Variants in BCAS3 observed in about 807,000 individuals in gnomAD.
BCAS3 encodes the protein BCAS3 microtubule associated cell migration factor, also known as BCAS4/BCAS3 fusion.
In BCAS3, 53 loss-of-function variants were observed where a neutral mutation model predicts 116.1. That is an observed-to-expected ratio of 0.46 (90% CI 0.37 to 0.57). The LOEUF (loss-of-function observed/expected upper bound fraction) is 0.57, where lower values mean the gene tolerates loss of function less well. BCAS3 is among the 20% of genes least tolerant of loss of function. BCAS3 has a pLI of 0.00. For missense variants in BCAS3, 917 were observed against 1,165.4 expected (o/e 0.79, Z 3.10); for synonymous variants, 391 against 408.2 (o/e 0.96, Z 0.51).
In BCAS3 at chr17:60,902,657, G is replaced by A. The variant is rs759526393; in HGVS notation, c.776G>A (p.Gly259Glu). 1.9e-6 allele frequency: 3 copies of A among 1,613,178 alleles called. No homozygotes were observed. In the African/African-American group the frequency reaches 4.0e-5, roughly 22 times the overall value. The change falls in exon 11 of 24, where the codon GGA becomes GAA. Residue 259 changes from glycine (G) to glutamate (E), a missense_variant. By Grantham distance (98) the Gly-to-Glu change is moderately conservative. Coordinates refer to ENST00000407086, the MANE Select transcript of BCAS3 (RefSeq NM_017679.5). The stretch of plus-strand genomic sequence containing the variant: ...CATCAGTCCCGTGGTGGAGCCTGTG[G>A]AGACAACATTCAGTCTTATACTGCC... ...RCHQSRGGAC[G>E]DNIQSYTATV...
At chr17:60,837,652 CTTTT>C (rs371521233) in intron 7 of BCAS3, among the ~76,000 whole-genome samples, 2 of 136,938 alleles carry the variant, frequency 1.5e-5, no homozygotes, top group Non-Finnish European at 1.6e-5. Flanking sequence ...TTTCACAATA[CTTTT>C]TTTTTTTTTT....
intron 6 of BCAS3, among the ~76,000 whole-genome samples, chr17:60,766,079 C>A (rs1224905038): frequency 6.6e-6 from 1 of 152,120 alleles, no homozygotes; most frequent in Non-Finnish European, 1.5e-5. Context: ...TCTAGTTAGC[C>A]ATTTGTCTAA....
intron 6 of BCAS3, among the ~76,000 whole-genome samples, chr17:60,783,043 C>T (rs1333094847): frequency 2.0e-5 from 3 of 152,148 alleles, no homozygotes; most frequent in Non-Finnish European, 2.9e-5. Context: ...CAGGATTTTT[C>T]GGGCAGTGAA....
chr17:61,197,614 G>T (rs534004928), intron 22 of BCAS3, among the ~76,000 whole-genome samples: 1 of 152,316 alleles, frequency 6.6e-6, no homozygotes, highest in South Asian at 2.1e-4. Context: ...GAGTAGTAAA[G>T]ATCAGAAAGT....
chr17:61,308,989 C>T (rs886107118), intron 22 of BCAS3, among the ~76,000 whole-genome samples: 1 of 152,156 alleles, frequency 6.6e-6, no homozygotes, highest in African/African-American at 2.4e-5. Context: ...TCTCCTCTCT[C>T]CAGCCATGTG....
chr17:61,312,875 AC>A (rs2054430658), intron 22 of BCAS3, among the ~76,000 whole-genome samples: 1 of 152,200 alleles, frequency 6.6e-6, no homozygotes, highest in Non-Finnish European at 1.5e-5. Flanking sequence ...CCTTTCTCCC[AC>A]AAGATGGCCT....
chr17:60,700,946 C>A (rs900356049), intron 4 of BCAS3, among the ~76,000 whole-genome samples: 1 of 151,936 alleles, frequency 6.6e-6, no homozygotes, highest in African/African-American at 2.4e-5. Flanking sequence ...AATTTAGCTT[C>A]TAGAAGGAGA....
chr17:61,078,053 G>T (rs2072195525), intron 20 of BCAS3, among the ~76,000 whole-genome samples: 1 of 152,144 alleles, frequency 6.6e-6, no homozygotes, highest in African/African-American at 2.4e-5. Flanking sequence ...TGTGATTTTT[G>T]TCTTGTATAT....
chr17:60,952,602 G>A (rs2060905394), intron 14 of BCAS3, among the ~76,000 whole-genome samples: 1 of 152,146 alleles, frequency 6.6e-6, no homozygotes, highest in Admixed American at 6.5e-5. Context: ...TTACAGGTGT[G>A]AGCCACCGTG....
intron 9 of BCAS3, among the ~76,000 whole-genome samples, chr17:60,888,119 T>C (rs2056860860): frequency 6.6e-6 from 1 of 152,218 alleles, no homozygotes; most frequent in Non-Finnish European, 1.5e-5. Context: ...TATGTTCTGC[T>C]GATTCCAGCT....
In BCAS3 at chr17:60,960,566, C is replaced by G. The variant is rs933889637; in HGVS notation, c.1221+13214C>G. Among the ~76,000 whole-genome samples the G allele has an allele frequency of 1.3e-5, 2 of 152,186 alleles. No individual in the cohort carries two copies. The highest frequency in any genetic ancestry group is 1.3e-4 in the Admixed American group (2 of 15,284). Reference sequence around the variant, plus strand: ...GTTTCCCATCTGGCTTGAGGCACTGCCCTCCTGGACTGCGGCTTCATTTTC... The same window carrying G: ...GTTTCCCATCTGGCTTGAGGCACTGGCCTCCTGGACTGCGGCTTCATTTTC... On this transcript the variant is annotated intron_variant, in intron 14 of 23. Coordinates refer to ENST00000407086, the MANE Select transcript of BCAS3 (RefSeq NM_017679.5). This position sits in a 1 kb window ranked among gnomAD's most constrained non-coding sequence, Gnocchi z 4.1.
At chr17:60,992,865 GGGGCTTT>G (rs745423320) in intron 15 of BCAS3, among the ~76,000 whole-genome samples, 39 of 152,004 alleles carry the variant, frequency 2.6e-4, no homozygotes, top group Non-Finnish European at 8.8e-5. Flanking sequence ...AGGTTCTTTG[GGGGCTTT>G]TCTTTTTGTG....
Position 61,366,449 on chromosome 17 carries a change from A to G in BCAS3, c.2426-1878A>G, listed in dbSNP as rs1603086574. ...CAGAATCAGAAGCTTAGTGGATGTC[A>G]GCAGTCCTGTGTGTCCCTGGGGAGC... On this transcript the variant is annotated intron_variant, in intron 22 of 23. Transcript: ENST00000407086. This position sits in a 1 kb window ranked among gnomAD's most constrained non-coding sequence, Gnocchi z 4.5. Among the ~76,000 whole-genome samples the G allele has an allele frequency of 1.3e-5, 2 of 152,352 alleles. No individual in the cohort carries two copies. Among genetic ancestry groups the G allele is most frequent in the South Asian group, 4.1e-4 (2 of 4,832 alleles).
At position 61,367,087 on chromosome 17, in the gene BCAS3, T is replaced by C. The variant is rs899489876; in HGVS notation, c.2426-1240T>C. Among the ~76,000 whole-genome samples, 15 of 152,260 alleles carry C rather than the reference T, an allele frequency of 9.9e-5. No homozygotes were observed. The highest frequency in any genetic ancestry group is 2.1e-4 in the Non-Finnish European group (14 of 68,052). ...ATTGGCAGGGAGTGTGTGCTGACAC[T>C]GCCCAGCCCTCACTGCCTGGCGAAG... On this transcript the variant is annotated intron_variant, in intron 22 of 23. Transcript: ENST00000407086. This position sits in a 1 kb window ranked among gnomAD's most constrained non-coding sequence, Gnocchi z 6.2.
chr17:60,684,439 T>C (rs989362375), intron 3 of BCAS3, among the ~76,000 whole-genome samples: 1 of 152,170 alleles, frequency 6.6e-6, no homozygotes, highest in Non-Finnish European at 1.5e-5. Context: ...CTCTTTTATA[T>C]TGAGCAGCAT....
intron 22 of BCAS3, among the ~76,000 whole-genome samples, chr17:61,350,981 G>A (rs935765909): frequency 1.3e-5 from 2 of 152,174 alleles, no homozygotes; most frequent in Admixed American, 1.3e-4. Context: ...ACAACTTGGA[G>A]TTATTTTAGA....
chr17:61,211,137 C>T lies in BCAS3; in HGVS notation c.2425+126573C>T. On this transcript the variant is annotated intron_variant, in intron 22 of 23. Coordinates refer to ENST00000407086, the MANE Select transcript of BCAS3 (RefSeq NM_017679.5). The surrounding 1 kb of genome is among the most constrained non-coding windows in gnomAD (Gnocchi z 4.4). ...AGATAGTAATGTTTGGAGGCATGCT[C>T]AGTTATTCAGAAGAAATGGAATGAC... is the stretch of plus-strand genomic sequence containing the variant. 6.6e-6 allele frequency among the ~76,000 whole-genome samples: 1 copy of T among 152,120 alleles called. No individual in the cohort carries two copies. The highest frequency in any genetic ancestry group is 2.4e-5 in the African/African-American group (1 of 41,416).
intron 22 of BCAS3, among the ~76,000 whole-genome samples, chr17:61,299,411 C>G (rs1854542232): frequency 7.1e-6 from 1 of 139,918 alleles, no homozygotes; most frequent in Non-Finnish European, 1.5e-5. Context: ...CCATTGCACT[C>G]CAGCCTGGGT....
At chr17:61,334,466 G>C (rs1046251047) in intron 22 of BCAS3, among the ~76,000 whole-genome samples, 3 of 152,086 alleles carry the variant, frequency 2.0e-5, no homozygotes, top group African/African-American at 7.2e-5. Context: ...AGGAGTTCAA[G>C]ACCAGCCTGA....
Sources: gnomAD v4.1 joint callset for allele counts (sites outside exome capture counted in the v4.1 genomes callset) on GRCh38, gnomAD v4.1.1 for gene constraint, Gnocchi (gnomAD v3.1) non-coding constraint, MANE v1.5 for transcripts, NCBI Gene and HGNC (gene_info 2026-07-23, HGNC 2026-07-21) for gene names.